The following CLN6 variants were observed in gnomAD, a reference collection of about 807,000 sequenced individuals.
CLN6 encodes CLN6 transmembrane ER protein.
A neutral mutation model predicts 33.3 loss-of-function variants in CLN6; 22 were observed. The ratio of observed to expected loss-of-function variants is 0.66; its 90% CI spans 0.47 to 0.94. The LOEUF is 0.94. Ranked by LOEUF, CLN6 falls within the 40% of genes least tolerant of loss-of-function variation. The pLI, the probability that CLN6 is intolerant of heterozygous loss-of-function variation, is 0.00. For synonymous variants in CLN6, 201 were observed against 174.6 expected (o/e 1.15, Z -1.19); for missense variants, 387 against 417.1 (o/e 0.93, Z 0.63).
At chr15:68,216,151 C>T (rs1394167205) in intron 2 of CLN6, among the ~76,000 whole-genome samples, 3 of 152,188 alleles carry the variant, frequency 2.0e-5, no homozygotes, top group African/African-American at 7.2e-5. Flanking sequence ...ATAGGAGACC[C>T]TGTTATGCCA....
At position 68,247,791 on chromosome 15, in the gene CLN6, G is replaced by A. The variant is rs758298022; in HGVS notation, c.179+8899C>T. On this transcript the variant is annotated intron_variant, in intron 1 of 6. Transcript: ENST00000538696. The surrounding 1 kb of genome is among the most constrained non-coding windows in gnomAD (Gnocchi z 4.2). ...TGCCTGTAATCTGAGCACTTTGGGA[G>A]GCTGAGCTGGGTGGGTCACCTGAGG... 1.3e-5 allele frequency among the ~76,000 whole-genome samples: 2 copies of A among 152,116 alleles called. No individual in the cohort carries two copies. Among genetic ancestry groups the A allele is most frequent in the Non-Finnish European group, 2.9e-5 (2 of 68,030 alleles).
Position 68,209,288 on chromosome 15 carries a change from C to T in CLN6, c.665+349G>A, listed in dbSNP as rs114331221. Reference sequence around the variant, plus strand: ...ATCCCCACTTCACAGAGGTGGAAACCGCAGCCCACTACAGGGCTTGGTGTC... The same window carrying T: ...ATCCCCACTTCACAGAGGTGGAAACTGCAGCCCACTACAGGGCTTGGTGTC... On this transcript the variant is annotated intron_variant, in intron 6 of 6. Coordinates refer to ENST00000249806, the MANE Select transcript of CLN6 (RefSeq NM_017882.3). This position sits in a 1 kb window ranked among gnomAD's most constrained non-coding sequence, Gnocchi z 4.9. 3.0e-3 allele frequency among the ~76,000 whole-genome samples: 464 copies of T among 152,312 alleles called. No individual in the cohort carries two copies. The highest frequency in any genetic ancestry group is 0.011 in the African/African-American group (445 of 41,560).
intron 1 of CLN6, among the ~76,000 whole-genome samples, chr15:68,251,536 A>G (rs1892378364): frequency 6.6e-6 from 1 of 152,020 alleles, no homozygotes; most frequent in Non-Finnish European, 1.5e-5. Flanking sequence ...TTAGCTGGAT[A>G]TGGTGGTGCA....
At position 68,220,612 on chromosome 15, in the gene CLN6, C is replaced by T. The variant is rs181076593; in HGVS notation, c.84-1962G>A. 1.6e-3 allele frequency among the ~76,000 whole-genome samples: 250 copies of T among 152,288 alleles called. 2 individuals are homozygous for T. The highest frequency in any genetic ancestry group is 5.7e-3 in the African/African-American group (237 of 41,546). On this transcript the variant is annotated intron_variant, in intron 1 of 6. Transcript: ENST00000249806. This position sits in a 1 kb window ranked among gnomAD's most constrained non-coding sequence, Gnocchi z 4.2. ...CATCCAGGTAAGAATGAAGTAGCCT[C>T]GCAGAGAGGATCAGGGAAAGGGGGA...
In CLN6 at chr15:68,227,968, G is replaced by A. The variant is rs1422000082; in HGVS notation, c.83+1534C>T. Among the ~76,000 whole-genome samples, 1 of 152,200 alleles carries A rather than the reference G, an allele frequency of 6.6e-6. No individual in the cohort carries two copies. The highest frequency in any genetic ancestry group is 1.5e-5 in the Non-Finnish European group (1 of 68,036). On this transcript the variant is annotated intron_variant, in intron 1 of 6. Coordinates refer to ENST00000249806, the MANE Select transcript of CLN6 (RefSeq NM_017882.3). This position sits in a 1 kb window ranked among gnomAD's most constrained non-coding sequence, Gnocchi z 4.1. ...AGGCAGAAGAGGCTGCCTGGAAGAG[G>A]GGAGCTGGTAAATGGGTTGGGTCAC... is the stretch of plus-strand genomic sequence containing the variant.
intron 1 of CLN6, among the ~76,000 whole-genome samples, chr15:68,226,397 G>C (rs990884679): frequency 6.6e-6 from 1 of 151,564 alleles, no homozygotes; most frequent in African/African-American, 2.4e-5. Flanking sequence ...ACCAGATCTT[G>C]AGCAAGTCAC....
intron 2 of CLN6, among the ~76,000 whole-genome samples, chr15:68,217,872 TCTACCTACCTACCTACCTACCTAC>T (rs532004406): frequency 2.7e-5 from 4 of 150,532 alleles, no homozygotes; most frequent in Non-Finnish European, 5.9e-5. Context: ...CTGTCAATTA[TCTACCTACCTACCTACCTACCTAC>T]CTACCTACCT....
At chr15:68,230,827 C>T (rs2093267380), upstream of CLN6, among the ~76,000 whole-genome samples, 3 of 152,340 alleles carry the variant, frequency 2.0e-5, no homozygotes, top group South Asian at 4.1e-4. This position sits in a 1 kb window ranked among gnomAD's most constrained non-coding sequence, Gnocchi z 4.0. Flanking sequence ...CGGTCACTGT[C>T]AGCAGCCCAG....
At chr15:68,237,815 A>T (rs1052956833) in intron 1 of CLN6, among the ~76,000 whole-genome samples, 7 of 152,246 alleles carry the variant, frequency 4.6e-5, no homozygotes, top group Admixed American at 3.9e-4. Context: ...GATAAAAGAA[A>T]GACAGCACAT....
chr15:68,221,240 CT>C (rs1382683185), intron 1 of CLN6, among the ~76,000 whole-genome samples: 1 of 145,838 alleles, frequency 6.9e-6, no homozygotes, highest in East Asian at 2.1e-4. Context: ...AACCCTCCCC[CT>C]CTCCCTCGCT....
chr15:68,248,960 CCAACAACAACAAAAAA>C (rs1435936385), intron 1 of CLN6, among the ~76,000 whole-genome samples: 1 of 151,904 alleles, frequency 6.6e-6, no homozygotes, highest in African/African-American at 2.4e-5. Context: ...AATAGCAAAA[CCAACAACAACAAAAAA>C]CAACAACAAC....
intron 1 of CLN6, among the ~76,000 whole-genome samples, chr15:68,249,260 C>T (rs532285547): frequency 2.0e-5 from 3 of 152,150 alleles, no homozygotes; most frequent in Non-Finnish European, 2.9e-5. Flanking sequence ...CAAAGCAATA[C>T]GGAGGTTCCT....
chr15:68,218,608 G>A lies in CLN6; in HGVS notation c.126C>T (p.Pro42=). Residue 42 remains proline, a synonymous_variant, in exon 2 of 7, where the codon CCC becomes CCT. Coordinates refer to ENST00000249806, the MANE Select transcript of CLN6 (RefSeq NM_017882.3). ...AGTAGAACCAGAGGTCGAGGTGGAA[G>A]GGAGCCGTGCGGGCAGCCTCATCAG... The part of the protein sequence containing the change: ...VSADEAARTA[P]FHLDLWFYFT... 6.2e-7 allele frequency: 1 copy of A among 1,614,014 alleles called. No homozygotes were observed. Among genetic ancestry groups the A allele is most frequent in the Non-Finnish European group, 8.5e-7 (1 of 1,179,942 alleles).
intron 1 of CLN6, among the ~76,000 whole-genome samples, chr15:68,222,898 G>A (rs1290568027): frequency 6.6e-6 from 1 of 152,188 alleles, no homozygotes; most frequent in African/African-American, 2.4e-5. Context: ...GGTGCAAGAT[G>A]TGCTTTGTTA....
At chr15:68,218,166 C>T (rs892783137) in intron 2 of CLN6, 40 of 271,886 alleles carry the variant, frequency 1.5e-4, no homozygotes, top group African/African-American at 5.7e-4. Context: ...ACAGGGGAGA[C>T]GGAGGTGGGG....
rs1444688481 is a variant in CLN6 at position 68,242,435 on chromosome 15, T to C, written c.179+14255A>G. On this transcript the variant is annotated intron_variant, in intron 1 of 6. Coordinates refer to the CLN6 transcript ENST00000538696. This position sits in a 1 kb window ranked among gnomAD's most constrained non-coding sequence, Gnocchi z 5.0. ...AAGATTGCCGACAAGATATGGGAAA[T>C]TGCCTCAAAAGATCAAATCTAATAA... Among the ~76,000 whole-genome samples, 1 of 151,826 alleles carries C rather than the reference T, an allele frequency of 6.6e-6. No homozygotes were observed. The highest frequency in any genetic ancestry group is 2.4e-5 in the African/African-American group (1 of 41,328).
Position 68,207,782 on chromosome 15 carries a change from G to A in CLN6, c.*358C>T, listed in dbSNP as rs1003224047. On this transcript the variant is annotated 3_prime_UTR_variant, in exon 7 of 7. Coordinates refer to ENST00000249806, the MANE Select transcript of CLN6 (RefSeq NM_017882.3). ...GCCCCACCCAGCCCTCTCCTGCACG[G>A]CTACCAGAAGATGTCCGGGAAGAAC... 1.6e-4 allele frequency: 59 copies of A among 364,392 alleles called. No individual in the cohort carries two copies. The Admixed American group carries it at 2.2e-3, about 14-fold the overall frequency. 22.6% of individuals were successfully genotyped at this position (364,392 alleles called of 1,614,324 possible). A position where few individuals can be genotyped will look rare whatever the true frequency, so the allele number is the denominator to read the frequency against.
intron 1 of CLN6, among the ~76,000 whole-genome samples, chr15:68,254,004 A>G (rs1892407154): frequency 6.6e-6 from 1 of 151,530 alleles, no homozygotes; most frequent in Non-Finnish European, 1.5e-5. Flanking sequence ...CAGCCTCCCG[A>G]GCAGCTGGGA....
chr15:68,229,350 A>C, intron 1 of CLN6, 152 bp downstream of exon 1: 7 of 472,328 alleles, frequency 1.5e-5, no homozygotes, highest in African/African-American at 4.1e-5. Context: ...CCGCCACGGT[A>C]GCGCGCCTCC....
Sources: allele counts gnomAD v4.1 joint callset (sites outside exome capture counted in the v4.1 genomes callset), GRCh38; gene constraint gnomAD v4.1.1; non-coding constraint Gnocchi (gnomAD v3.1); transcripts MANE v1.5; gene names NCBI Gene and HGNC (gene_info 2026-07-23, HGNC 2026-07-21).